The following FAM107B variants were observed in gnomAD, a reference collection of about 807,000 sequenced individuals.
The protein encoded by FAM107B is protein FAM107B.
In FAM107B, 21 loss-of-function variants were observed where a neutral mutation model predicts 31.5. The ratio of observed to expected loss-of-function variants is 0.67; its 90% CI spans 0.47 to 0.96. FAM107B has a LOEUF of 0.96. Ranked by LOEUF, FAM107B falls within the 40% of genes least tolerant of loss-of-function variation. The pLI is 0.00. For synonymous variants in FAM107B, 157 were observed against 141.5 expected, an observed-to-expected ratio of 1.11 and a Z score of -0.78; for missense variants, 452 against 377.1, an observed-to-expected ratio of 1.20 and a Z score of -1.64.
chr10:14,670,669 C>G (rs1457328044), intron 1 of FAM107B, among the ~76,000 whole-genome samples: 1 of 152,206 alleles, frequency 6.6e-6, no homozygotes, highest in Non-Finnish European at 1.5e-5. Flanking sequence ...AGCCCTTTAG[C>G]TCTTCTCCAA....
chr10:14,631,589 C>T (rs900933968), intron 2 of FAM107B, among the ~76,000 whole-genome samples: 7 of 152,132 alleles, frequency 4.6e-5, no homozygotes, highest in Admixed American at 1.3e-4. Flanking sequence ...CACCATGCCC[C>T]GCCCCAAACC....
intron 2 of FAM107B, chr10:14,548,364 C>T: frequency 3.1e-6 from 3 of 963,858 alleles, no homozygotes; most frequent in Non-Finnish European, 3.7e-6. Context: ...GACTGCACCT[C>T]CTGCCAGCTC....
At chr10:14,747,777 G>A (rs1450528021) in intron 1 of FAM107B, among the ~76,000 whole-genome samples, 1 of 152,240 alleles carries the variant, frequency 6.6e-6, no homozygotes, top group African/African-American at 2.4e-5. Flanking sequence ...CCAGTCAGGA[G>A]GCACAGGATC....
chr10:14,597,528 T>C (rs1261607616), intron 2 of FAM107B, among the ~76,000 whole-genome samples: 2 of 152,184 alleles, frequency 1.3e-5, no homozygotes, highest in Non-Finnish European at 2.9e-5. Flanking sequence ...AAAACCCAGT[T>C]ATCTTTAAAA....
intron 2 of FAM107B, among the ~76,000 whole-genome samples, chr10:14,588,825 GAGA>G (rs1384804970): frequency 6.6e-6 from 1 of 152,124 alleles, no homozygotes; most frequent in Non-Finnish European, 1.5e-5. Context: ...GAAGAAGAGA[GAGA>G]AGGAGGGCTC....
chr10:14,603,114 GT>G (rs1052136169), intron 2 of FAM107B, among the ~76,000 whole-genome samples: 1 of 151,536 alleles, frequency 6.6e-6, no homozygotes, highest in African/African-American at 2.4e-5. Context: ...CATATGAGTG[GT>G]TTTTTTCTAT....
chr10:14,772,359 A>AT lies in FAM107B; in HGVS notation c.411+1893_411+1894insA, dbSNP rs1398950676. On this transcript the variant is annotated intron_variant, in intron 1 of 4. Transcript: ENST00000181796. ...ACAGAGCAAGACTCCATCTTAAAAA[A>AT]AAAATATATATATATATATATGCAC... Among the ~76,000 whole-genome samples the AT allele has an allele frequency of 9.9e-3, 1,443 of 146,392 alleles. 12 individuals carry two copies. Among genetic ancestry groups the AT allele is most frequent in the African/African-American group, 0.037 (1,345 of 36,196 alleles).
At chr10:14,557,770 G>A (rs1430767818) in intron 2 of FAM107B, among the ~76,000 whole-genome samples, 1 of 152,214 alleles carries the variant, frequency 6.6e-6, no homozygotes, top group African/African-American at 2.4e-5. Context: ...AGTAGCTGAG[G>A]CCCAGGGGGA....
chr10:14,571,609 AC>A (rs1316849326), intron 2 of FAM107B, among the ~76,000 whole-genome samples: 2 of 152,246 alleles, frequency 1.3e-5, no homozygotes, highest in Non-Finnish European at 2.9e-5. Flanking sequence ...GCAAAGACAC[AC>A]TATTCAATAC....
chr10:14,625,579 G>C lies in FAM107B; in HGVS notation c.469+42055C>G, dbSNP rs142341105. Among the ~76,000 whole-genome samples the C allele has an allele frequency of 6.7e-3, 1,020 of 152,226 alleles. 12 individuals are homozygous for C. Among genetic ancestry groups the C allele is most frequent in the African/African-American group, 0.023 (947 of 41,518 alleles). ...CTGCCTGGCAGCTGTGACATGGTGT[G>C]CCAAAATAGGCATTAATGTCGCGTG... On this transcript the variant is annotated intron_variant, in intron 2 of 4. Coordinates refer to ENST00000181796, the MANE Select transcript of FAM107B (RefSeq NM_031453.4).
intron 1 of FAM107B, among the ~76,000 whole-genome samples, chr10:14,678,217 T>C (rs961305371): frequency 1.3e-5 from 2 of 152,196 alleles, no homozygotes. Context: ...TTTCTGCCCA[T>C]GGGTGGTTGT....
chr10:14,549,477 G>C (rs1849053744), intron 2 of FAM107B, among the ~76,000 whole-genome samples: 1 of 152,228 alleles, frequency 6.6e-6, no homozygotes, highest in African/African-American at 2.4e-5. Flanking sequence ...TTTAAACTAA[G>C]GGGGCTTTGG....
intron 1 of FAM107B, among the ~76,000 whole-genome samples, chr10:14,687,062 C>T (rs572435343): frequency 6.6e-6 from 1 of 152,326 alleles, no homozygotes; most frequent in South Asian, 2.1e-4. Context: ...TGAACGATTT[C>T]CTTGGTTCAG....
chr10:14,765,564 G>A (rs1030667159), intron 1 of FAM107B, among the ~76,000 whole-genome samples: 1 of 152,160 alleles, frequency 6.6e-6, no homozygotes, highest in African/African-American at 2.4e-5. Flanking sequence ...GGGCTGAAAT[G>A]GAATGGAATG....
At chr10:14,573,273 T>C (rs1851347684) in intron 2 of FAM107B, among the ~76,000 whole-genome samples, 1 of 152,114 alleles carries the variant, frequency 6.6e-6, no homozygotes, top group Admixed American at 6.6e-5. Flanking sequence ...ACCTCATGAA[T>C]GGATTAATGC....
chr10:14,576,411 C>T (rs949747554), intron 2 of FAM107B, among the ~76,000 whole-genome samples: 11 of 152,102 alleles, frequency 7.2e-5, no homozygotes, highest in Non-Finnish European at 1.6e-4. Context: ...CCTGTCATCC[C>T]AGCTATTCAG....
chr10:14,601,262 ATCTT>A (rs1394605930), intron 2 of FAM107B, among the ~76,000 whole-genome samples: 1 of 152,122 alleles, frequency 6.6e-6, no homozygotes, highest in Non-Finnish European at 1.5e-5. Flanking sequence ...TTGCCAAATA[ATCTT>A]TCTTTCTTTC....
chr10:14,756,727 C>A (rs1020833766), intron 1 of FAM107B, among the ~76,000 whole-genome samples: 1 of 152,186 alleles, frequency 6.6e-6, no homozygotes, highest in African/African-American at 2.4e-5. Flanking sequence ...TTTATTGCAA[C>A]ACTGCTCACA....
At chr10:14,660,486 G>A (rs1854205749) in intron 2 of FAM107B, among the ~76,000 whole-genome samples, 1 of 152,206 alleles carries the variant, frequency 6.6e-6, no homozygotes, top group African/African-American at 2.4e-5. Context: ...AAGACAAGAT[G>A]TGCCACCTCT....
Sources: allele counts gnomAD v4.1 joint callset (sites outside exome capture counted in the v4.1 genomes callset), GRCh38; gene constraint gnomAD v4.1.1; transcripts MANE v1.5; gene names NCBI Gene and HGNC (gene_info 2026-07-23, HGNC 2026-07-21).